KCNQ4: variants seen among roughly 807,000 people sequenced by gnomAD.
The protein encoded by KCNQ4 is potassium voltage-gated channel subfamily Q member 4.
In KCNQ4, 31 loss-of-function variants were observed where a neutral mutation model predicts 72.6. The ratio of observed to expected loss-of-function variants is 0.43; its 90% CI spans 0.32 to 0.58. The LOEUF is 0.58. Among genes scored for constraint, KCNQ4 ranks in the 20% least tolerant of loss-of-function variants. The probability of loss-of-function intolerance (pLI) is 0.08; values close to 1 mark genes in which losing one functional copy is unlikely to be tolerated. For missense variants in KCNQ4, 869 were observed against 962.6 expected (o/e 0.90, Z 1.29); for synonymous variants, 405 against 403.7 (o/e 1.00, Z -0.04).
In KCNQ4 at chr1:40,832,811, G is replaced by A. The variant is rs533348994; in HGVS notation, c.1514-203G>A. 2.8e-4 allele frequency among the ~76,000 whole-genome samples: 42 copies of A among 152,314 alleles called. No homozygotes were observed. The South Asian group carries it at 7.0e-3, about 26-fold the overall frequency. On this transcript the variant is annotated intron_variant, in intron 10 of 13. Transcript: ENST00000347132. ...CAGATGTTTACCCTGACTGGCCACC[G>A]GGGCAGATGGGCATGCAACACACTG...
intron 1 of KCNQ4, among the ~76,000 whole-genome samples, chr1:40,802,580 G>C (rs1056708364): frequency 6.6e-6 from 1 of 152,080 alleles, no homozygotes; most frequent in African/African-American, 2.4e-5. Flanking sequence ...GCCGAGGCGG[G>C]CTGGGGGCAC....
intron 11 of KCNQ4, among the ~76,000 whole-genome samples, chr1:40,834,637 A>T (rs1407597750): frequency 1.3e-5 from 2 of 151,130 alleles, no homozygotes; most frequent in Non-Finnish European, 2.9e-5. Context: ...CCTGCCCCAC[A>T]ATGTCCCATT....
intron 8 of KCNQ4, among the ~76,000 whole-genome samples, chr1:40,823,688 A>G (rs1413710920): frequency 6.6e-6 from 1 of 152,168 alleles, no homozygotes; most frequent in Non-Finnish European, 1.5e-5. Context: ...AGGGGAAGGA[A>G]GCTGGGCTAG....
At chr1:40,818,724 G>C (rs747016527) in intron 4 of KCNQ4, 44 bp downstream of exon 4, 3 of 1,552,160 alleles carry the variant, frequency 1.9e-6, no homozygotes, top group Admixed American at 3.8e-5. Context: ...GGCGTGTCTG[G>C]GGCACGACCA....
Position 40,814,896 on chromosome 1 carries a change from A to T in KCNQ4, c.315-2369A>T, listed in dbSNP as rs570528629. On this transcript the variant is annotated intron_variant, in intron 1 of 13. Transcript: ENST00000347132. ...TTATAATCTGCTTTCCTTTTTTTTTAAATTGTGAAGTGGAAATTTTATAGA... is the reference window on the plus strand; with the variant it reads ...TTATAATCTGCTTTCCTTTTTTTTTTAATTGTGAAGTGGAAATTTTATAGA... Among the ~76,000 whole-genome samples the T allele has an allele frequency of 1.1e-3, 162 of 151,728 alleles. 1 individual carries two copies. Among genetic ancestry groups the T allele is most frequent in the African/African-American group, 3.7e-3 (154 of 41,414 alleles).
At chr1:40,799,443 C>T (rs1268408591) in intron 1 of KCNQ4, among the ~76,000 whole-genome samples, 4 of 147,884 alleles carry the variant, frequency 2.7e-5, no homozygotes, top group East Asian at 4.0e-4. Context: ...CCCCCCCCCT[C>T]GCTAGGCAGT....
chr1:40,824,865 C>T (rs1444786689), intron 9 of KCNQ4, among the ~76,000 whole-genome samples: 2 of 152,228 alleles, frequency 1.3e-5, no homozygotes, highest in Non-Finnish European at 2.9e-5. Flanking sequence ...CTTTGCTAAT[C>T]CCAGAGGGTC....
chr1:40,802,632 G>T (rs996323212), intron 1 of KCNQ4, among the ~76,000 whole-genome samples: 1 of 152,116 alleles, frequency 6.6e-6, no homozygotes, highest in Non-Finnish European at 1.5e-5. Context: ...AGGAGAAGGA[G>T]CCCGGGCGGG....
intron 9 of KCNQ4, 119 bp downstream of exon 9, chr1:40,824,377 G>C: frequency 9.0e-7 from 1 of 1,114,988 alleles, no homozygotes; most frequent in Non-Finnish European, 1.3e-6. Flanking sequence ...GCCTGTTTGG[G>C]GGACTCCTAG....
At chr1:40,806,777 G>A (rs759678165) in intron 1 of KCNQ4, among the ~76,000 whole-genome samples, 6 of 152,232 alleles carry the variant, frequency 3.9e-5, no homozygotes, top group Non-Finnish European at 5.9e-5. Context: ...AGGTTCCAGC[G>A]TAGTGCAGTC....
At position 40,784,451 on chromosome 1, in the gene KCNQ4, C is replaced by T. The variant is rs1440600655; in HGVS notation, c.314+44C>T. 43 of 1,584,908 alleles carry T rather than the reference C, an allele frequency of 2.7e-5. No homozygotes were observed. The Admixed American group carries it at 6.9e-4, about 25-fold the overall frequency. The stretch of plus-strand genomic sequence containing the variant: ...GCCCTTCCGCGTTTCCCCGCGCAAG[C>T]CTGGCCTCCCGGGGCACGGCCGCCC... On this transcript the variant is annotated intron_variant, in intron 1 of 13. Transcript: ENST00000347132. This position sits in a 1 kb window ranked among gnomAD's most constrained non-coding sequence, Gnocchi z 4.1.
chr1:40,798,455 T>C (rs1362547054), intron 1 of KCNQ4, among the ~76,000 whole-genome samples: 1 of 152,246 alleles, frequency 6.6e-6, no homozygotes, highest in Non-Finnish European at 1.5e-5. Flanking sequence ...GGACCCATTG[T>C]GGGCTTTACT....
At position 40,818,243 on chromosome 1, in the gene KCNQ4, G is replaced by A; in HGVS notation, c.485G>A (p.Gly162Glu). Residue 162 changes from glycine (G) to glutamate (E), a missense_variant, in exon 3 of 14, where the codon GGA becomes GAA. Physicochemically the swap from Gly to Glu is moderately conservative, Grantham distance 98. This residue lies in a region of KCNQ4 where 179 missense variants were observed against 243.0 expected (regional missense o/e 0.74). Coordinates refer to ENST00000347132, the MANE Select transcript of KCNQ4 (RefSeq NM_004700.4). ...GCCGGATGCTGCTGCCGCTACCGAG[G>A]ATGGCAGGGTCGCTTCCGCTTTGCC... ...WSAGCCCRYR[G>E]WQGRFRFARK... is the part of the protein sequence containing the mutation. The A allele has an allele frequency of 6.2e-7, 1 of 1,613,996 alleles. No individual in the cohort carries two copies. The highest frequency in any genetic ancestry group is 1.1e-5 in the South Asian group (1 of 91,082).
chr1:40,794,170 G>T lies in KCNQ4; in HGVS notation c.314+9763G>T, dbSNP rs1647344094. ...AGCTCCAGGTGAAGGGAACAGCAGA[G>T]CAAAGGCCTTGAGATGGGACTTCCT... On this transcript the variant is annotated intron_variant, in intron 1 of 13. Transcript: ENST00000347132. This position sits in a 1 kb window ranked among gnomAD's most constrained non-coding sequence, Gnocchi z 4.2. Among the ~76,000 whole-genome samples the T allele has an allele frequency of 6.6e-6, 1 of 152,214 alleles. No homozygotes were observed. The highest frequency in any genetic ancestry group is 6.5e-5 in the Admixed American group (1 of 15,284).
In KCNQ4 at chr1:40,819,858, C is replaced by T. The variant is rs372900278; in HGVS notation, c.835-17C>T. The stretch of plus-strand genomic sequence containing the variant: ...CCCCCGTGACCAGTCCTGCCTGTAA[C>T]CTGTTTGTGTCTCCAGATTACATTG... On this transcript the variant is annotated splice_polypyrimidine_tract_variant and intron_variant, in intron 5 of 13. Transcript: ENST00000347132. 1.3e-6 allele frequency: 2 copies of T among 1,587,158 alleles called. No individual in the cohort carries two copies. Among genetic ancestry groups the T allele is most frequent in the African/African-American group, 2.7e-5 (2 of 74,466 alleles).
At chr1:40,801,485 T>C (rs1647573092) in intron 1 of KCNQ4, among the ~76,000 whole-genome samples, 1 of 152,234 alleles carries the variant, frequency 6.6e-6, no homozygotes, top group Admixed American at 6.5e-5. Context: ...CATTTATTCA[T>C]TCATTCACTC....
intron 1 of KCNQ4, among the ~76,000 whole-genome samples, chr1:40,815,898 G>A (rs911871190): frequency 3.3e-5 from 5 of 152,088 alleles, no homozygotes; most frequent in African/African-American, 9.7e-5. Flanking sequence ...CTCTGACCCC[G>A]AGCTGCTGTC....
Position 40,819,200 on chromosome 1 carries a change from G to A in KCNQ4, c.709-147G>A, listed in dbSNP as rs933163528. 23 of 940,750 alleles carry A rather than the reference G, an allele frequency of 2.4e-5. No homozygotes were observed. The East Asian group carries it at 4.2e-4, about 17-fold the overall frequency. 58.3% of individuals were successfully genotyped at this position (940,750 alleles called of 1,614,324 possible). ...GCGGTTTCGCGAAGGCCGGGGCAGG[G>A]TCGCCGTGATGGGAGGAGCTGAGAA... On this transcript the variant is annotated intron_variant, in intron 4 of 13. Coordinates refer to ENST00000347132, the MANE Select transcript of KCNQ4 (RefSeq NM_004700.4).
rs1648900583 is a variant in KCNQ4 at position 40,839,067 on chromosome 1, A to AC, written c.*549dup. On this transcript the variant is annotated 3_prime_UTR_variant, in exon 14 of 14. Coordinates refer to ENST00000347132, the MANE Select transcript of KCNQ4 (RefSeq NM_004700.4). ...CCATGTTAAATATGCAACTTTGGGG[A>AC]CCCCCATGGGGTCTCTCTGTCCCTC... 3.0e-5 allele frequency: 5 copies of AC among 167,166 alleles called. No homozygotes were observed. In the South Asian group the frequency reaches 7.6e-4, roughly 26 times the overall value. The allele number at this position is 167,166 out of a possible 1,614,324, so 10.4% of individuals were successfully genotyped here.
Sources: gnomAD v4.1 joint callset for allele counts (sites outside exome capture counted in the v4.1 genomes callset) on GRCh38, gnomAD v4.1.1 for gene constraint, gnomAD v4.1.1 regional missense constraint, Gnocchi (gnomAD v3.1) non-coding constraint, MANE v1.5 for transcripts, NCBI Gene and HGNC (gene_info 2026-07-23, HGNC 2026-07-21) for gene names.